Variants in DACH1 observed in about 807,000 individuals in gnomAD.
DACH1 encodes dachshund homolog 1.
DACH1 carries 12 observed loss-of-function variants against 54.2 expected under a neutral mutation model. That is an observed-to-expected ratio of 0.22 (90% confidence interval 0.14 to 0.36). The LOEUF (loss-of-function observed/expected upper bound fraction) is 0.36. Ranked by LOEUF, DACH1 falls within the 10% of genes least tolerant of loss-of-function variation. DACH1 has a pLI of 1.00. For missense variants in DACH1, 805 were observed against 929.8 expected (o/e 0.87, Z 1.75); for synonymous variants, 386 against 366.2 (o/e 1.05, Z -0.62).
chr13:71,464,817 C>A, intron 10 of DACH1: 1 of 426,078 alleles, frequency 2.3e-6, no homozygotes, highest in Non-Finnish European at 4.6e-6. Flanking sequence ...AAGATATTCT[C>A]AAGACTATGT....
At chr13:71,700,494 T>C in intron 1 of DACH1, among the ~76,000 whole-genome samples, 1 of 142,382 alleles carries the variant, frequency 7.0e-6, no homozygotes. Flanking sequence ...AGGCAGAAGT[T>C]GCAGTAAGCA....
intron 1 of DACH1, among the ~76,000 whole-genome samples, chr13:71,712,927 T>C (rs1241057234): frequency 6.6e-6 from 1 of 152,144 alleles, no homozygotes; most frequent in East Asian, 1.9e-4. Flanking sequence ...GAGGATTGCC[T>C]ACAAGTGATA....
At chr13:71,693,450 T>C (rs1392786713) in intron 1 of DACH1, among the ~76,000 whole-genome samples, 1 of 149,534 alleles carries the variant, frequency 6.7e-6, no homozygotes, top group African/African-American at 2.5e-5. Context: ...CTATAGGTGC[T>C]CACCACCACG....
chr13:71,791,942 C>A (rs937255682), intron 1 of DACH1, among the ~76,000 whole-genome samples: 1 of 152,148 alleles, frequency 6.6e-6, no homozygotes, highest in African/African-American at 2.4e-5. Flanking sequence ...ACCAAAGCCA[C>A]CTCAGCAACC....
chr13:71,800,181 C>T (rs1053047669), intron 1 of DACH1, among the ~76,000 whole-genome samples: 6 of 152,038 alleles, frequency 3.9e-5, no homozygotes, highest in Non-Finnish European at 5.9e-5. Context: ...AGGTTCCATT[C>T]GGCTCTCAAA....
intron 10 of DACH1, among the ~76,000 whole-genome samples, chr13:71,441,926 T>A (rs1874039998): frequency 1.3e-5 from 2 of 152,028 alleles, no homozygotes; most frequent in Admixed American, 1.3e-4. Context: ...AAATATTAGG[T>A]GCATATATTA....
Position 71,540,161 on chromosome 13 carries a change from G to A in DACH1, c.1570+16863C>T, listed in dbSNP as rs143598563. Among the ~76,000 whole-genome samples, 732 of 151,850 alleles carry A rather than the reference G, an allele frequency of 4.8e-3. 5 individuals carry two copies. Among genetic ancestry groups the A allele is most frequent in the African/African-American group, 0.017 (693 of 41,458 alleles). ...AGATTCAGTATTATGGCCCTAAAAT[G>A]GATGCATTTCTGTTAATATAAAAGT... On this transcript the variant is annotated intron_variant, in intron 6 of 10. Coordinates refer to ENST00000613252, the MANE Select transcript of DACH1 (RefSeq NM_080759.6).
At chr13:71,732,968 C>T (rs1454869966) in intron 1 of DACH1, among the ~76,000 whole-genome samples, 2 of 152,018 alleles carry the variant, frequency 1.3e-5, no homozygotes, top group South Asian at 2.1e-4. Context: ...ATGATCTTTC[C>T]TATCTGCCTA....
At chr13:71,747,609 C>T (rs900158625) in intron 1 of DACH1, among the ~76,000 whole-genome samples, 6 of 151,964 alleles carry the variant, frequency 3.9e-5, no homozygotes, top group African/African-American at 1.5e-4. Context: ...ATCAGGCATC[C>T]CAGCTAAAAA....
At chr13:71,732,218 A>C (rs1358348120) in intron 1 of DACH1, among the ~76,000 whole-genome samples, 2 of 151,948 alleles carry the variant, frequency 1.3e-5, no homozygotes, top group African/African-American at 2.4e-5. Flanking sequence ...TGTCCAATCT[A>C]TCTCTTCCTT....
chr13:71,769,937 C>G (rs189138483), intron 1 of DACH1, among the ~76,000 whole-genome samples: 6 of 151,804 alleles, frequency 4.0e-5, no homozygotes, highest in Non-Finnish European at 8.9e-5. Context: ...CTTTTGCCCT[C>G]ATGGCAAAGG....
At chr13:71,443,144 C>A (rs1874154664) in intron 10 of DACH1, among the ~76,000 whole-genome samples, 2 of 150,626 alleles carry the variant, frequency 1.3e-5, no homozygotes, top group Non-Finnish European at 3.0e-5. Flanking sequence ...CTCAAATCCA[C>A]AATTTTCCCT....
At chr13:71,475,653 C>T in intron 9 of DACH1, 53 bp downstream of exon 9, 1 of 1,557,356 alleles carries the variant, frequency 6.4e-7, no homozygotes, top group Non-Finnish European at 8.7e-7. Flanking sequence ...CCTAAACTGT[C>T]CTTTAAGCAT....
chr13:71,474,033 C>T (rs1877308643), intron 10 of DACH1, among the ~76,000 whole-genome samples: 1 of 152,076 alleles, frequency 6.6e-6, no homozygotes, highest in African/African-American at 2.4e-5. Flanking sequence ...AAATTCAGAT[C>T]TTTTTCTATA....
chr13:71,532,664 A>G (rs1208881333), intron 6 of DACH1, among the ~76,000 whole-genome samples: 1 of 152,020 alleles, frequency 6.6e-6, no homozygotes, highest in Non-Finnish European at 1.5e-5. Context: ...TTCAGCCAGT[A>G]TACTTCAGCT....
At chr13:71,842,411 A>AT (rs1872936512) in intron 1 of DACH1, among the ~76,000 whole-genome samples, 1 of 129,406 alleles carries the variant, frequency 7.7e-6, no homozygotes. Flanking sequence ...CCCCATTTCT[A>AT]TTAAAAAAAA....
intron 1 of DACH1, among the ~76,000 whole-genome samples, chr13:71,708,060 C>A (rs1163087774): frequency 2.0e-5 from 3 of 150,484 alleles, no homozygotes; most frequent in African/African-American, 7.3e-5. Flanking sequence ...TAAAATAAAG[C>A]ACTTAAGTTT....
At chr13:71,477,325 G>T (rs1267971212) in intron 8 of DACH1, among the ~76,000 whole-genome samples, 1 of 151,140 alleles carries the variant, frequency 6.6e-6, no homozygotes, top group African/African-American at 2.4e-5. Flanking sequence ...GTTTCACCTT[G>T]TTAGCCAGGA....
At chr13:71,640,766 G>A (rs769146211) in intron 2 of DACH1, among the ~76,000 whole-genome samples, 151 of 152,012 alleles carry the variant, frequency 9.9e-4, no homozygotes, top group Admixed American at 2.3e-3. Context: ...TACTCTAAAC[G>A]ATGTTTTTGT....
Sources: allele counts gnomAD v4.1 joint callset (sites outside exome capture counted in the v4.1 genomes callset), GRCh38; gene constraint gnomAD v4.1.1; transcripts MANE v1.5; gene names NCBI Gene and HGNC (gene_info 2026-07-23, HGNC 2026-07-21).